BRD10: variants seen among roughly 807,000 people sequenced by gnomAD.
BRD10 encodes the protein uncharacterized bromodomain-containing protein 10.
At chr9:5,988,672 T>C in the BRD10 span, 1 of 665,308 alleles carries the variant, frequency 1.5e-6, no homozygotes. Flanking sequence ...TTACTTAGCT[T>C]TGTTCTAACT....
the BRD10 span, among the ~76,000 whole-genome samples, chr9:5,944,080 A>G: frequency 6.6e-6 from 1 of 152,156 alleles, no homozygotes; most frequent in African/African-American, 2.4e-5. Context: ...CTGAGCATAG[A>G]TCTAAAAGTG....
the BRD10 span, among the ~76,000 whole-genome samples, chr9:5,940,792 A>G: frequency 3.3e-4 from 50 of 152,322 alleles, no homozygotes; most frequent in African/African-American, 1.1e-3. Flanking sequence ...CTTTCCTTAC[A>G]TATTGATTAT....
At chr9:5,939,763 G>A in the BRD10 span, among the ~76,000 whole-genome samples, 1 of 152,218 alleles carries the variant, frequency 6.6e-6, no homozygotes, top group South Asian at 2.1e-4. Context: ...GGACAAGACA[G>A]TTCTTTGTTG....
chr9:5,920,146 G>A, the BRD10 span: 43 of 1,613,820 alleles, frequency 2.7e-5, no homozygotes, highest in Non-Finnish European at 3.5e-5. Context: ...GGCCACTTAA[G>A]GAATTATTTG....
chr9:5,885,574 T>A, the BRD10 span, among the ~76,000 whole-genome samples: 1 of 152,022 alleles, frequency 6.6e-6, no homozygotes, highest in East Asian at 1.9e-4. Context: ...GTTTTCTCCA[T>A]GTTGGTCAGG....
At chr9:5,927,953 T>A in the BRD10 span, among the ~76,000 whole-genome samples, 1 of 152,174 alleles carries the variant, frequency 6.6e-6, no homozygotes, top group South Asian at 2.1e-4. Flanking sequence ...GAACTCAGAC[T>A]CCTATACTGA....
chr9:5,893,636 G>C, the BRD10 span, among the ~76,000 whole-genome samples: 6 of 152,146 alleles, frequency 3.9e-5, no homozygotes, highest in Non-Finnish European at 7.4e-5. Flanking sequence ...CGTGCTATTA[G>C]TTAGGGTATC....
At chr9:5,910,207 T>G in the BRD10 span, 2 of 152,200 alleles carry the variant, frequency 1.3e-5, no homozygotes, top group Admixed American at 1.3e-4. Flanking sequence ...TATGATTCAT[T>G]GCTATTTAAC....
chr9:5,952,759 A>C, the BRD10 span, among the ~76,000 whole-genome samples: 31 of 152,232 alleles, frequency 2.0e-4, no homozygotes, highest in South Asian at 6.2e-4. Context: ...GAAAAACAAA[A>C]GTCGGAGAAA....
At chr9:5,921,255 G>T in the BRD10 span, 1 of 1,613,972 alleles carries the variant, frequency 6.2e-7, no homozygotes, top group African/African-American at 1.3e-5. Context: ...ACAATTGCTT[G>T]ACCTATGTTT....
At chr9:5,921,467 T>C in the BRD10 span, 1 of 1,613,910 alleles carries the variant, frequency 6.2e-7, no homozygotes, top group South Asian at 1.1e-5. Context: ...AACTGGGGCA[T>C]TAATAAAAAC....
the BRD10 span, chr9:5,967,958 A>G: frequency 9.4e-7 from 1 of 1,069,458 alleles, no homozygotes; most frequent in Non-Finnish European, 1.3e-6. Flanking sequence ...CATGATGCAT[A>G]ATGGAAAAAA....
At chr9:5,952,573 G>T in the BRD10 span, among the ~76,000 whole-genome samples, 1 of 152,158 alleles carries the variant, frequency 6.6e-6, no homozygotes, top group African/African-American at 2.4e-5. Flanking sequence ...CTGCTAAAAT[G>T]ATTTCATGCC....
At chr9:5,951,839 T>G in the BRD10 span, among the ~76,000 whole-genome samples, 1 of 152,088 alleles carries the variant, frequency 6.6e-6, no homozygotes, top group Non-Finnish European at 1.5e-5. Flanking sequence ...TGTGAGACAG[T>G]TGCCAAGTTT....
At chr9:5,922,485 T>C in the BRD10 span, 3 of 1,614,016 alleles carry the variant, frequency 1.9e-6, no homozygotes, top group Non-Finnish European at 2.5e-6. Flanking sequence ...GTAATTGTTT[T>C]GTTGAAAGCT....
At chr9:5,989,314 T>C in the BRD10 span, among the ~76,000 whole-genome samples, 2 of 138,068 alleles carry the variant, frequency 1.4e-5, no homozygotes, top group African/African-American at 5.4e-5. Flanking sequence ...CAATTATTAA[T>C]ATATTAATAC....
the BRD10 span, chr9:5,892,552 G>C: frequency 2.1e-4 from 341 of 1,612,168 alleles, 7 homozygotes; most frequent in East Asian, 6.7e-3. Context: ...CGGCTGAAGA[G>C]TAAGTTCAAA....
chr9:5,992,255 A>C, the BRD10 span, among the ~76,000 whole-genome samples: 1 of 152,192 alleles, frequency 6.6e-6, no homozygotes, highest in South Asian at 2.1e-4. Context: ...ATGCCCTCAA[A>C]CTGTGCCCTA....
the BRD10 span, among the ~76,000 whole-genome samples, chr9:5,903,439 T>C: frequency 6.6e-6 from 1 of 152,234 alleles, no homozygotes; most frequent in Non-Finnish European, 1.5e-5. Context: ...TTTTTGCATC[T>C]ATATTTATGA....
Sources: gnomAD v4.1 joint callset for allele counts (sites outside exome capture counted in the v4.1 genomes callset) on GRCh38, gnomAD v4.1.1 for gene constraint, MANE v1.5 for transcripts, NCBI Gene and HGNC (gene_info 2026-07-23, HGNC 2026-07-21) for gene names.